The following GRIK1 variants were observed in gnomAD, a reference collection of about 807,000 sequenced individuals.
The protein encoded by GRIK1 is glutamate receptor ionotropic, kainate 1.
A neutral mutation model predicts 105.7 loss-of-function variants in GRIK1; 69 were observed. The ratio of observed to expected loss-of-function variants is 0.65; its 90% CI spans 0.54 to 0.80. GRIK1 has a LOEUF of 0.80. Ranked by LOEUF, GRIK1 falls within the 30% of genes least tolerant of loss-of-function variation. GRIK1 has a pLI of 0.00. For synonymous variants in GRIK1, 438 were observed against 431.3 expected, an observed-to-expected ratio of 1.02 and a Z score of -0.19; for missense variants, 1,109 against 1,167.3, an observed-to-expected ratio of 0.95 and a Z score of 0.73.
At chr21:29,861,677 T>C (rs468413) in intron 1 of GRIK1, 136,028 of 452,378 alleles carry the variant, frequency 0.3, 22,780 homozygotes, top group African/African-American at 0.5. Context: ...TGAATGAATA[T>C]TGGGTTTTGC....
At chr21:29,677,573 T>A (rs562330671) in intron 3 of GRIK1, among the ~76,000 whole-genome samples, 2 of 151,464 alleles carry the variant, frequency 1.3e-5, no homozygotes, top group East Asian at 3.9e-4. Context: ...AGGTGGAGCA[T>A]ATGGAGGAGG....
At chr21:29,735,759 T>C (rs1474839831) in intron 1 of GRIK1, among the ~76,000 whole-genome samples, 1 of 150,396 alleles carries the variant, frequency 6.6e-6, no homozygotes, top group Non-Finnish European at 1.5e-5. Context: ...TAGCCGGGCA[T>C]GGTAGCATGC....
chr21:29,652,407 C>T (rs540840127), intron 5 of GRIK1, among the ~76,000 whole-genome samples: 5 of 152,248 alleles, frequency 3.3e-5, no homozygotes, highest in African/African-American at 1.2e-4. Flanking sequence ...GAAGAATGTT[C>T]GCTGAACATA....
chr21:29,554,864 A>C lies in GRIK1; in HGVS notation c.2607+188T>G, dbSNP rs547134153. On this transcript the variant is annotated intron_variant, in intron 16 of 17. Coordinates refer to ENST00000327783, the MANE Select transcript of GRIK1 (RefSeq NM_001330994.2). ...TATAAGCCCCTTCCTTGTCGTTAAT[A>C]AATGATGGACCTGCAGTGCCCACAG... 8.5e-5 allele frequency among the ~76,000 whole-genome samples: 13 copies of C among 152,324 alleles called. No homozygotes were observed. In the South Asian group the frequency reaches 2.3e-3, roughly 27 times the overall value.
chr21:29,758,523 C>A (rs578135784), intron 1 of GRIK1, among the ~76,000 whole-genome samples: 38 of 152,180 alleles, frequency 2.5e-4, no homozygotes, highest in Admixed American at 1.5e-3. Flanking sequence ...CCTCCCCCGA[C>A]ATATGGGAAT....
At chr21:29,889,142 A>C (rs993558874) in intron 1 of GRIK1, among the ~76,000 whole-genome samples, 13 of 152,202 alleles carry the variant, frequency 8.5e-5, no homozygotes, top group African/African-American at 3.1e-4. Flanking sequence ...TATACCAGAC[A>C]TTTTTGACAA....
intron 8 of GRIK1, chr21:29,596,897 T>A (rs1451867327): frequency 3.2e-6 from 1 of 308,446 alleles, no homozygotes; most frequent in Non-Finnish European, 6.2e-6. Context: ...AAGACCCTTT[T>A]AAGGCATTGG....
intron 3 of GRIK1, among the ~76,000 whole-genome samples, chr21:29,679,745 T>G (rs997127030): frequency 6.6e-6 from 1 of 152,204 alleles, no homozygotes; most frequent in African/African-American, 2.4e-5. Context: ...AGGATATTAT[T>G]AGCATTTTGA....
chr21:29,741,261 T>A (rs1370651698), intron 1 of GRIK1, among the ~76,000 whole-genome samples: 1 of 152,252 alleles, frequency 6.6e-6, no homozygotes, highest in Non-Finnish European at 1.5e-5. Flanking sequence ...GACTTGAAAC[T>A]GGAGACCTGA....
chr21:29,836,339 G>A (rs987629573), intron 1 of GRIK1, among the ~76,000 whole-genome samples: 5 of 152,150 alleles, frequency 3.3e-5, no homozygotes, highest in African/African-American at 1.2e-4. Context: ...TCAGTCTCTA[G>A]AAATGCTTAT....
intron 7 of GRIK1, among the ~76,000 whole-genome samples, chr21:29,634,397 T>G (rs181478722): frequency 2.0e-5 from 3 of 152,352 alleles, no homozygotes; most frequent in African/African-American, 7.2e-5. Context: ...TTAGAAATAA[T>G]TTTTCATTCT....
chr21:29,851,542 A>G (rs1224211776), intron 1 of GRIK1, among the ~76,000 whole-genome samples: 1 of 152,216 alleles, frequency 6.6e-6, no homozygotes, highest in Non-Finnish European at 1.5e-5. Flanking sequence ...TTCTAGCCCT[A>G]TAATGCAGTG....
At chr21:29,889,830 G>A (rs1270789668) in intron 1 of GRIK1, among the ~76,000 whole-genome samples, 1 of 151,936 alleles carries the variant, frequency 6.6e-6, no homozygotes, top group Non-Finnish European at 1.5e-5. Context: ...ACTTTTAAAT[G>A]TATTAAATAG....
intron 13 of GRIK1, 42 bp downstream of exon 13, chr21:29,581,383 A>C: frequency 8.9e-7 from 1 of 1,121,052 alleles, no homozygotes; most frequent in Admixed American, 1.7e-5. Context: ...GCCTGTCAGC[A>C]CACTGTGGGA....
chr21:29,727,595 C>T lies in GRIK1; in HGVS notation c.119-33532G>A, dbSNP rs930411134. ...AGATAGGTTTATAAACGGGAGCAGG[C>T]GAAAGTTAAGGGAATTCACACATAA... On this transcript the variant is annotated intron_variant, in intron 1 of 17. Transcript: ENST00000327783. Among the ~76,000 whole-genome samples, 20 of 152,134 alleles carry T rather than the reference C, an allele frequency of 1.3e-4. No individual in the cohort carries two copies. In the East Asian group the frequency reaches 1.5e-3, roughly 12 times the overall value.
At chr21:29,928,852 A>G (rs1174430790) in intron 1 of GRIK1, among the ~76,000 whole-genome samples, 1 of 152,150 alleles carries the variant, frequency 6.6e-6, no homozygotes, top group Non-Finnish European at 1.5e-5. Context: ...CTCTCCTTTC[A>G]TGTCTTTTAT....
intron 15 of GRIK1, among the ~76,000 whole-genome samples, chr21:29,560,044 G>A (rs1183227520): frequency 6.6e-6 from 1 of 152,070 alleles, no homozygotes; most frequent in Admixed American, 6.6e-5. Context: ...TGCATGATGT[G>A]GAGAGTCATA....
At chr21:29,830,310 C>CAAACACACACACACAA (rs759159969) in intron 1 of GRIK1, among the ~76,000 whole-genome samples, 1 of 43,626 alleles carries the variant, frequency 2.3e-5, no homozygotes, top group Non-Finnish European at 5.2e-5. Flanking sequence ...CACCTCCCCA[C>CAAACACACACACACAA]ACACACACAC....
chr21:29,719,622 T>C (rs1204587777), intron 1 of GRIK1, among the ~76,000 whole-genome samples: 1 of 152,080 alleles, frequency 6.6e-6, no homozygotes, highest in Non-Finnish European at 1.5e-5. Flanking sequence ...CCAGCCAGCA[T>C]GGTCATCATC....
Sources: gnomAD v4.1 joint callset for allele counts (sites outside exome capture counted in the v4.1 genomes callset) on GRCh38, gnomAD v4.1.1 for gene constraint, MANE v1.5 for transcripts, NCBI Gene and HGNC (gene_info 2026-07-23, HGNC 2026-07-21) for gene names.